The following GRK4 variants were observed in gnomAD, a reference collection of about 807,000 sequenced individuals.
GRK4 encodes G protein-coupled receptor kinase 2-like.
GRK4 carries 73 observed loss-of-function variants against 77.9 expected under a neutral mutation model. The observed-to-expected ratio is 0.94, with a 90% CI of 0.78 to 1.14. GRK4 has a LOEUF of 1.14. GRK4 is among the 50% of genes most tolerant of loss of function. The pLI is 0.00. For missense variants in GRK4, 729 were observed against 700.2 expected (o/e 1.04, Z -0.46); for synonymous variants, 257 against 254.4 (o/e 1.01, Z -0.10).
At chr4:3,030,790 C>T (rs1270114221) in intron 12 of GRK4, among the ~76,000 whole-genome samples, 1 of 152,206 alleles carries the variant, frequency 6.6e-6, no homozygotes, top group Admixed American at 6.5e-5. Context: ...GCTGAACCAC[C>T]TGTCACTTGT....
rs942272555 is a variant in GRK4, at chr4:3,004,279, A to G, written c.388A>G (p.Arg130Gly). ...ACCTCCAGATGTTGTGACAGAATGT[A>G]GATTGGGACTGAAGGAGGAGAACCC... ...EIPPDVVTECRLGLKEENPSK... is the reference protein window; with the variant it reads ...EIPPDVVTECGLGLKEENPSK... Residue 130 changes from arginine to glycine, a missense_variant, in exon 5 of 16, where the codon AGA becomes GGA. Physicochemically the swap from Arg to Gly is moderately radical, Grantham distance 125 (BLOSUM62 -2). Coordinates refer to ENST00000398052, the MANE Select transcript of GRK4 (RefSeq NM_182982.3). 1.9e-6 allele frequency: 3 copies of G among 1,613,866 alleles called. No homozygotes were observed. The highest frequency in any genetic ancestry group is 2.5e-6 in the Non-Finnish European group (3 of 1,179,836).
chr4:2,983,018 T>C (rs933278812), intron 1 of GRK4, among the ~76,000 whole-genome samples: 1 of 152,200 alleles, frequency 6.6e-6, no homozygotes, highest in African/African-American at 2.4e-5. Flanking sequence ...GCTCTGGACA[T>C]CTTGTGGTGT....
chr4:3,007,157 G>A (rs1196119871), intron 5 of GRK4, among the ~76,000 whole-genome samples: 2 of 151,960 alleles, frequency 1.3e-5, no homozygotes, highest in African/African-American at 2.4e-5. Context: ...AGCCATGATT[G>A]TGCCATTGCA....
At chr4:2,994,423 C>G (rs1409925319) in intron 4 of GRK4, among the ~76,000 whole-genome samples, 1 of 152,162 alleles carries the variant, frequency 6.6e-6, no homozygotes. Context: ...ATTGGCCAGG[C>G]TAGTCTCGAA....
At chr4:3,036,904 G>T (rs1423909741) in intron 13 of GRK4, among the ~76,000 whole-genome samples, 1 of 152,174 alleles carries the variant, frequency 6.6e-6, no homozygotes, top group Non-Finnish European at 1.5e-5. Flanking sequence ...CCCACCGCTG[G>T]TGGCCTCTGT....
chr4:2,999,908 A>G (rs1226144095), intron 4 of GRK4, among the ~76,000 whole-genome samples: 1 of 152,234 alleles, frequency 6.6e-6, no homozygotes, highest in Non-Finnish European at 1.5e-5. Context: ...TCCAGAATAT[A>G]TAAATAACTC....
At position 2,975,541 on chromosome 4, in the gene GRK4, C is replaced by G. The variant is rs1377750931; in HGVS notation, c.53-8972C>G. ...GGCCCTGTGCGGGTGGGGAACATTC[C>G]TTGATTAGCGCCCAGTTCTGCCCTC... On this transcript the variant is annotated intron_variant, in intron 1 of 15. Transcript: ENST00000398052. Among the ~76,000 whole-genome samples, 3 of 152,246 alleles carry G rather than the reference C, an allele frequency of 2.0e-5. No homozygotes were observed. In the East Asian group the frequency reaches 5.8e-4, roughly 29 times the overall value.
intron 12 of GRK4, among the ~76,000 whole-genome samples, chr4:3,032,817 G>A (rs185318175): frequency 1.1e-4 from 17 of 152,310 alleles, no homozygotes; most frequent in Admixed American, 9.8e-4. Context: ...GAAACAGTTC[G>A]TTCTTAAAGA....
chr4:3,039,423 C>T lies in GRK4; in HGVS notation c.1683+910C>T, dbSNP rs182925766. Reference sequence around the variant, plus strand: ...CTTTCAGTATGAAAAATAGGCTAGGCGTGGTGGCTCACGCCTGTAATCCCA... The same window carrying T: ...CTTTCAGTATGAAAAATAGGCTAGGTGTGGTGGCTCACGCCTGTAATCCCA... On this transcript the variant is annotated intron_variant, in intron 15 of 15. Coordinates refer to ENST00000398052, the MANE Select transcript of GRK4 (RefSeq NM_182982.3). Among the ~76,000 whole-genome samples the T allele has an allele frequency of 8.1e-5, 12 of 148,700 alleles. No individual in the cohort carries two copies. In the South Asian group the frequency reaches 1.1e-3, roughly 13 times the overall value.
intron 1 of GRK4, among the ~76,000 whole-genome samples, chr4:2,964,713 G>A (rs1716949318): frequency 6.6e-6 from 1 of 152,196 alleles, no homozygotes; most frequent in African/African-American, 2.4e-5. Flanking sequence ...CATTATTAAA[G>A]TGAGGCAGAA....
chr4:3,006,097 A>G (rs772319863), intron 5 of GRK4, among the ~76,000 whole-genome samples: 1 of 152,030 alleles, frequency 6.6e-6, no homozygotes, highest in Non-Finnish European at 1.5e-5. Context: ...AAAGATTTTC[A>G]GGCCAGGCAT....
At chr4:3,014,085 G>A (rs1410591771) in intron 8 of GRK4, among the ~76,000 whole-genome samples, 1 of 151,888 alleles carries the variant, frequency 6.6e-6, no homozygotes, top group Non-Finnish European at 1.5e-5. Flanking sequence ...GTAGTCCCCC[G>A]CCTCCCATTC....
At chr4:3,038,544 G>A in intron 15 of GRK4, 31 bp downstream of exon 15, 1 of 1,513,480 alleles carries the variant, frequency 6.6e-7, no homozygotes, top group Non-Finnish European at 8.9e-7. Context: ...ATATATGTGT[G>A]TGTATGTGAA....
intron 4 of GRK4, among the ~76,000 whole-genome samples, chr4:3,002,679 G>A (rs1324161322): frequency 1.3e-5 from 2 of 151,994 alleles, no homozygotes; most frequent in African/African-American, 4.8e-5. Context: ...CTCCAGCCTG[G>A]ACCACAGAAC....
At position 2,988,707 on chromosome 4, in the gene GRK4, T is replaced by C; in HGVS notation, c.149-20T>C. 1 of 1,337,130 alleles carries C rather than the reference T, an allele frequency of 7.5e-7. No homozygotes were observed. Among genetic ancestry groups the C allele is most frequent in the Non-Finnish European group, 1.1e-6 (1 of 927,330 alleles). 82.8% of individuals were successfully genotyped at this position (1,337,130 alleles called of 1,614,324 possible). A position where few individuals can be genotyped will look rare whatever the true frequency, so the allele number is the denominator to read the frequency against. Reference sequence around the variant, plus strand: ...GTAATGATTCTATTTGTTTGCTTCTTATCCCTTTGCTTCACCCAGAAAAGG... The same window carrying C: ...GTAATGATTCTATTTGTTTGCTTCTCATCCCTTTGCTTCACCCAGAAAAGG... On this transcript the variant is annotated intron_variant, in intron 2 of 15. Coordinates refer to ENST00000398052, the MANE Select transcript of GRK4 (RefSeq NM_182982.3).
chr4:3,006,765 C>CA (rs932465398), intron 5 of GRK4, among the ~76,000 whole-genome samples: 14 of 149,824 alleles, frequency 9.3e-5, no homozygotes, highest in East Asian at 3.9e-4. Context: ...AGAGCCAGAC[C>CA]AAAAAAAAAG....
At chr4:3,005,394 C>T (rs578048923) in intron 5 of GRK4, among the ~76,000 whole-genome samples, 83 of 152,256 alleles carry the variant, frequency 5.5e-4, no homozygotes, top group Non-Finnish European at 8.8e-4. Context: ...GGAGATGAGC[C>T]GGCGAGGCCG....
intron 1 of GRK4, chr4:2,965,496 A>G: frequency 1.4e-6 from 1 of 702,496 alleles, no homozygotes; most frequent in Non-Finnish European, 2.6e-6. Flanking sequence ...ACTGTGCTCC[A>G]GGACAGTGTA....
intron 12 of GRK4, among the ~76,000 whole-genome samples, chr4:3,030,470 T>A (rs1173381415): frequency 6.6e-6 from 1 of 152,132 alleles, no homozygotes; most frequent in Non-Finnish European, 1.5e-5. Context: ...GAGCATCTTG[T>A]ATGTTCCAGG....
Sources: allele counts gnomAD v4.1 joint callset (sites outside exome capture counted in the v4.1 genomes callset), GRCh38; gene constraint gnomAD v4.1.1; transcripts MANE v1.5; gene names NCBI Gene and HGNC (gene_info 2026-07-23, HGNC 2026-07-21).